The following NCAM2 variants were observed in gnomAD, a reference collection of about 807,000 sequenced individuals.
NCAM2 encodes the protein N-CAM-2.
Under a neutral mutation model 98.1 loss-of-function variants are expected in NCAM2, and 30 were observed. The ratio of observed to expected loss-of-function variants is 0.31; its 90% CI spans 0.23 to 0.41. NCAM2 has a LOEUF of 0.41. NCAM2 is among the 10% of genes least tolerant of loss of function. The probability of loss-of-function intolerance (pLI) is 1.00; values close to 1 mark genes in which losing one functional copy is unlikely to be tolerated. For missense variants in NCAM2, 867 were observed against 1,005.8 expected (o/e 0.86, Z 1.87); for synonymous variants, 368 against 342.4 (o/e 1.07, Z -0.83).
chr21:21,426,222 C>A lies in NCAM2; in HGVS notation c.1481-5886C>A, dbSNP rs138306158. On this transcript the variant is annotated intron_variant, in intron 11 of 17. Transcript: ENST00000400546. ...CATTCAAACCACAGCATGATCGAAA[C>A]AAGAAAAATGTATATAAAACCTTAT... Among the ~76,000 whole-genome samples, 253 of 152,030 alleles carry A rather than the reference C, an allele frequency of 1.7e-3. 1 individual carries two copies. The highest frequency in any genetic ancestry group is 5.9e-3 in the African/African-American group (245 of 41,482).
At chr21:21,020,236 G>C (rs541508205) in intron 1 of NCAM2, among the ~76,000 whole-genome samples, 1 of 151,868 alleles carries the variant, frequency 6.6e-6, no homozygotes, top group African/African-American at 2.4e-5. Flanking sequence ...GGGTTTCACC[G>C]TGTTGGCCAG....
intron 1 of NCAM2, among the ~76,000 whole-genome samples, chr21:21,122,385 T>C (rs1390041783): frequency 2.0e-5 from 3 of 152,210 alleles, no homozygotes; most frequent in Admixed American, 2.0e-4. Flanking sequence ...CCTAATTTAG[T>C]AACAGGAAGA....
chr21:21,354,752 A>G (rs1265529697), intron 8 of NCAM2, among the ~76,000 whole-genome samples: 2 of 152,200 alleles, frequency 1.3e-5, no homozygotes, highest in African/African-American at 4.8e-5. Context: ...TCCAGTAAAT[A>G]ATATGCTTCA....
intron 1 of NCAM2, among the ~76,000 whole-genome samples, chr21:21,191,882 A>G (rs2068835209): frequency 6.6e-6 from 1 of 152,138 alleles, no homozygotes; most frequent in Non-Finnish European, 1.5e-5. Context: ...ATAGAGAAGA[A>G]GGGTTAGATC....
chr21:21,409,975 TA>T (rs1432926618), intron 9 of NCAM2, among the ~76,000 whole-genome samples: 1 of 151,838 alleles, frequency 6.6e-6, no homozygotes, highest in Non-Finnish European at 1.5e-5. Context: ...CTACTAAAAA[TA>T]CAAAAGATTA....
At chr21:21,352,055 G>C (rs974329590) in intron 8 of NCAM2, among the ~76,000 whole-genome samples, 1 of 151,678 alleles carries the variant, frequency 6.6e-6, no homozygotes, top group Non-Finnish European at 1.5e-5. Flanking sequence ...AATCAAAGTT[G>C]TTTGGTTGTT....
At chr21:21,507,574 A>G (rs1270740376) in intron 15 of NCAM2, among the ~76,000 whole-genome samples, 2 of 152,032 alleles carry the variant, frequency 1.3e-5, no homozygotes, top group East Asian at 3.9e-4. Flanking sequence ...CGGGCGGATC[A>G]CGAGGTCAGG....
intron 1 of NCAM2, among the ~76,000 whole-genome samples, chr21:21,081,538 C>A (rs756502606): frequency 6.6e-6 from 1 of 152,082 alleles, no homozygotes; most frequent in East Asian, 1.9e-4. Flanking sequence ...TGGTGGCTCA[C>A]GCCTGTAATC....
intron 1 of NCAM2, among the ~76,000 whole-genome samples, chr21:21,019,675 T>G (rs181291002): frequency 1.3e-5 from 2 of 152,310 alleles, no homozygotes; most frequent in East Asian, 3.9e-4. Context: ...TTAAAAAATA[T>G]TCAAAGAAAA....
At chr21:21,258,471 A>G (rs560957739) in intron 1 of NCAM2, among the ~76,000 whole-genome samples, 1 of 152,260 alleles carries the variant, frequency 6.6e-6, no homozygotes, top group Admixed American at 6.5e-5. Context: ...CTCCTGAGGT[A>G]ATCACAACCC....
At chr21:21,519,101 G>T (rs1988871555) in intron 16 of NCAM2, among the ~76,000 whole-genome samples, 1 of 152,058 alleles carries the variant, frequency 6.6e-6, no homozygotes. Context: ...GACGCTTATT[G>T]GTGAGAGTCA....
chr21:21,060,800 A>ACG (rs1568979556), intron 1 of NCAM2, among the ~76,000 whole-genome samples: 5 of 152,042 alleles, frequency 3.3e-5, no homozygotes, highest in African/African-American at 1.2e-4. Context: ...GAGCAGGTAC[A>ACG]GTGGAAGAAG....
chr21:21,030,365 A>G (rs2064653288), intron 1 of NCAM2, among the ~76,000 whole-genome samples: 1 of 152,210 alleles, frequency 6.6e-6, no homozygotes, highest in African/African-American at 2.4e-5. Context: ...GTCACAAATT[A>G]CCATGAACTT....
At chr21:21,258,141 G>A (rs1039526086) in intron 1 of NCAM2, among the ~76,000 whole-genome samples, 3 of 152,160 alleles carry the variant, frequency 2.0e-5, no homozygotes, top group Admixed American at 6.5e-5. Context: ...AGAAGAAGTG[G>A]AACATTACCT....
chr21:21,343,358 TACACACACACACACAC>T (rs71195322), intron 8 of NCAM2, among the ~76,000 whole-genome samples: 1 of 120,800 alleles, frequency 8.3e-6, no homozygotes, highest in African/African-American at 3.0e-5. Context: ...TCTATACACA[TACACACACACACACAC>T]ACACACACAC....
At chr21:21,040,779 G>C (rs191522709) in intron 1 of NCAM2, among the ~76,000 whole-genome samples, 2 of 152,186 alleles carry the variant, frequency 1.3e-5, no homozygotes, top group East Asian at 3.9e-4. Context: ...AATGTAGGTG[G>C]GTGGGGTGAT....
At chr21:21,486,348 TC>T (rs1986384265) in intron 15 of NCAM2, among the ~76,000 whole-genome samples, 1 of 149,944 alleles carries the variant, frequency 6.7e-6, no homozygotes, top group African/African-American at 2.5e-5. Context: ...CCCTCCTTTC[TC>T]CCCTGCTGAG....
chr21:21,106,465 A>C (rs1479386955), intron 1 of NCAM2, among the ~76,000 whole-genome samples: 2 of 151,978 alleles, frequency 1.3e-5, no homozygotes, highest in East Asian at 3.8e-4. Context: ...TGTTGACAAA[A>C]ATGTAAAATA....
intron 1 of NCAM2, among the ~76,000 whole-genome samples, chr21:21,019,576 G>A (rs967457465): frequency 6.6e-6 from 1 of 152,042 alleles, no homozygotes; most frequent in African/African-American, 2.4e-5. Flanking sequence ...TATTCACAAA[G>A]TATCCAATTA....
Sources: gnomAD v4.1 joint callset for allele counts (sites outside exome capture counted in the v4.1 genomes callset) on GRCh38, gnomAD v4.1.1 for gene constraint, MANE v1.5 for transcripts, NCBI Gene and HGNC (gene_info 2026-07-23, HGNC 2026-07-21) for gene names.